The following SYNE2 variants were observed in gnomAD, a reference collection of about 807,000 sequenced individuals.
The protein encoded by SYNE2 is nesprin-2.
Under a neutral mutation model 856.3 loss-of-function variants are expected in SYNE2, and 431 were observed. The observed-to-expected ratio is 0.50, with a 90% confidence interval of 0.47 to 0.55. The LOEUF (loss-of-function observed/expected upper bound fraction) is 0.55. Among genes scored for constraint, SYNE2 ranks in the 20% least tolerant of loss-of-function variants. The pLI, the probability that SYNE2 is intolerant of heterozygous loss-of-function variation, is 0.00. For synonymous variants in SYNE2, 2,923 were observed against 2,872.3 expected (o/e 1.02, Z -0.56); for missense variants, 8,129 against 8,023.2 (o/e 1.01, Z -0.50).
chr14:63,842,996 T>A (rs1248695109), intron 1 of SYNE2, among the ~76,000 whole-genome samples: 1 of 152,128 alleles, frequency 6.6e-6, no homozygotes, highest in Non-Finnish European at 1.5e-5. Context: ...TCTTGTTGTT[T>A]GATATGTATG....
intron 76 of SYNE2, among the ~76,000 whole-genome samples, chr14:64,130,585 G>A (rs1567397365): frequency 6.6e-6 from 1 of 152,206 alleles, no homozygotes; most frequent in Non-Finnish European, 1.5e-5. Context: ...ACTTAGGAAA[G>A]TTAGAAAAGG....
At chr14:63,762,139 C>A (rs894184579) in intron 1 of SYNE2, 5 of 388,630 alleles carry the variant, frequency 1.3e-5, no homozygotes, top group South Asian at 2.1e-5. Flanking sequence ...CTATAGAAAG[C>A]AAGTTAAAGT....
chr14:63,784,451 C>G (rs1044788261), intron 1 of SYNE2, among the ~76,000 whole-genome samples: 1 of 151,972 alleles, frequency 6.6e-6, no homozygotes, highest in African/African-American at 2.4e-5. Context: ...GAGCTGAGAT[C>G]GTGCCACTGC....
rs10673123 is a variant in SYNE2, at chr14:63,919,972, G to GTTTTTTTTTTTTTTTTTTTTT, written c.79+10764_79+10765insTTTTTTTTTTTTTTTTTTTTT. Among the ~76,000 whole-genome samples, 89 of 110,570 alleles carry GTTTTTTTTTTTTTTTTTTTTT rather than the reference G, an allele frequency of 8.0e-4. 1 individual carries two copies. The highest frequency in any genetic ancestry group is 1.7e-3 in the South Asian group (5 of 2,964). The allele number at this position is 110,570 out of a possible 152,430, so 72.5% of individuals were successfully genotyped here. A position where few individuals can be genotyped will look rare whatever the true frequency, so the allele number is the denominator to read the frequency against. The stretch of plus-strand genomic sequence containing the variant: ...ATATCAGGCACATGATAAAAGGTAA[G>GTTTTTTTTTTTTTTTTTTTTT]TTTTTTTTTTTTTTTTTTTAAGGTA... On this transcript the variant is annotated intron_variant, in intron 2 of 115. Transcript: ENST00000555002.
chr14:63,797,629 A>G (rs1356683679), intron 1 of SYNE2, among the ~76,000 whole-genome samples: 4 of 152,120 alleles, frequency 2.6e-5, no homozygotes, highest in African/African-American at 9.7e-5. Context: ...TTCAGTAGAG[A>G]CGGGGTTTCG....
At chr14:63,948,837 C>T (rs1443305978) in intron 6 of SYNE2, among the ~76,000 whole-genome samples, 5 of 99,662 alleles carry the variant, frequency 5.0e-5, no homozygotes, top group Admixed American at 3.6e-4. Context: ...GCTTAATTTC[C>T]GAATATTTGG....
At chr14:63,844,820 G>A (rs1890178293) in intron 1 of SYNE2, among the ~76,000 whole-genome samples, 1 of 152,062 alleles carries the variant, frequency 6.6e-6, no homozygotes, top group South Asian at 2.1e-4. Context: ...CAAGGCGAGA[G>A]AATCTCTTGA....
intron 29 of SYNE2, among the ~76,000 whole-genome samples, chr14:64,002,375 C>T (rs1210873169): frequency 1.3e-5 from 2 of 152,152 alleles, no homozygotes; most frequent in Non-Finnish European, 2.9e-5. Flanking sequence ...GAGACTCATG[C>T]TTAAATGCCG....
chr14:64,163,619 C>T, intron 89 of SYNE2, 38 bp downstream of exon 89: 4 of 1,610,438 alleles, frequency 2.5e-6, no homozygotes, highest in Non-Finnish European at 2.5e-6. Flanking sequence ...TAGTCTTAGA[C>T]ATTTGCATTC....
At chr14:64,219,096 GTTTTTTTGT>G (rs1282998839) in intron 109 of SYNE2, 103 bp from the exon 110 acceptor site, 26 of 758,680 alleles carry the variant, frequency 3.4e-5, no homozygotes, top group Admixed American at 6.4e-5. Context: ...ATCCCCTACA[GTTTTTTTGT>G]TTTTTTTTTT....
At chr14:64,224,181 C>CAGAAAAAAAAAA (rs556126119) in intron 113 of SYNE2, among the ~76,000 whole-genome samples, 6 of 74,748 alleles carry the variant, frequency 8.0e-5, no homozygotes, top group African/African-American at 3.3e-4. Flanking sequence ...CCCGTCTCTG[C>CAGAAAAAAAAAA]AAAAAAAAAA....
intron 1 of SYNE2, among the ~76,000 whole-genome samples, chr14:63,815,863 A>G (rs766523891): frequency 7.5e-4 from 114 of 151,110 alleles, no homozygotes; most frequent in Admixed American, 1.3e-3. Flanking sequence ...TGCTCTCCAG[A>G]CTCAGAAACT....
chr14:63,890,149 C>T (rs1299847241), intron 1 of SYNE2, among the ~76,000 whole-genome samples: 6 of 149,432 alleles, frequency 4.0e-5, no homozygotes, highest in African/African-American at 1.5e-4. Flanking sequence ...CAGCTTCGTC[C>T]TGCTGTGCTC....
At chr14:64,082,484 C>T (rs1595392912) in intron 57 of SYNE2, among the ~76,000 whole-genome samples, 1 of 152,142 alleles carries the variant, frequency 6.6e-6, no homozygotes, top group South Asian at 2.1e-4. Context: ...CTTGAGAAAG[C>T]GGCTATATTG....
At chr14:64,152,090 T>C (rs1346819047) in intron 84 of SYNE2, among the ~76,000 whole-genome samples, 1 of 152,200 alleles carries the variant, frequency 6.6e-6, no homozygotes, top group Admixed American at 6.5e-5. Flanking sequence ...AGAAAATGAT[T>C]AAAGTTATTA....
chr14:63,930,500 G>T (rs573730746), intron 2 of SYNE2, among the ~76,000 whole-genome samples: 1 of 150,962 alleles, frequency 6.6e-6, no homozygotes, highest in East Asian at 1.9e-4. Flanking sequence ...ACCTTCATCT[G>T]GCTGCTCATC....
At chr14:64,118,056 C>G (rs192486285) in intron 66 of SYNE2, among the ~76,000 whole-genome samples, 1 of 152,182 alleles carries the variant, frequency 6.6e-6, no homozygotes. Context: ...TTACAGCTTG[C>G]TTGGATGAAG....
chr14:64,169,669 A>C (rs913117179), intron 93 of SYNE2, among the ~76,000 whole-genome samples: 6 of 152,244 alleles, frequency 3.9e-5, no homozygotes, highest in African/African-American at 1.2e-4. Flanking sequence ...CTAGCTCTGA[A>C]GCAGTAAATG....
At chr14:63,994,878 T>C (rs554269245) in intron 22 of SYNE2, among the ~76,000 whole-genome samples, 166 bp from the exon 23 acceptor site, 2 of 152,350 alleles carry the variant, frequency 1.3e-5, no homozygotes, top group Non-Finnish European at 2.9e-5. Context: ...TTTATGAGCC[T>C]GGGATGTTTT....
Sources: gnomAD v4.1 joint callset for allele counts (sites outside exome capture counted in the v4.1 genomes callset) on GRCh38, gnomAD v4.1.1 for gene constraint, MANE v1.5 for transcripts, NCBI Gene and HGNC (gene_info 2026-07-23, HGNC 2026-07-21) for gene names.